The following MED12 variants were observed in gnomAD, a reference collection of about 807,000 sequenced individuals.
MED12 encodes the protein mediator complex subunit 12, also known as mediator of RNA polymerase II transcription subunit 12.
MED12 carries 10 observed loss-of-function variants against 177.7 expected under a neutral mutation model. The ratio of observed to expected loss-of-function variants is 0.06; its 90% confidence interval spans 0.03 to 0.10. The LOEUF (loss-of-function observed/expected upper bound fraction) is 0.10, where lower values mean the gene tolerates loss of function less well. MED12 is among the 10% of genes least tolerant of loss of function. The pLI, the probability that MED12 is intolerant of heterozygous loss-of-function variation, is 1.00. For synonymous variants in MED12, 641 were observed against 678.4 expected, an observed-to-expected ratio of 0.94 and a Z score of 0.86; for missense variants, 867 against 1,780.8, an observed-to-expected ratio of 0.49 and a Z score of 9.23.
At chrX:71,142,039 A>C in intron 44 of MED12, 75 bp downstream of exon 44, 1 of 1,129,274 alleles carries the variant, frequency 8.9e-7, no homozygotes, top group Non-Finnish European at 1.2e-6. Context: ...AGTAGCTGAA[A>C]CGATAGCTTC....
Position 71,122,483 on chromosome X carries a change from G to A in MED12, c.1249-25G>A, listed in dbSNP as rs1239100643. ...CTTTTATATGCCTTGGTACATCCTT[G>A]TAGCCTTCCTTTTTAACATTGCAGG... is the stretch of plus-strand genomic sequence containing the variant. On this transcript the variant is annotated intron_variant, in intron 8 of 44. Coordinates refer to ENST00000374080, the MANE Select transcript of MED12 (RefSeq NM_005120.3). 8 of 1,204,110 alleles carry A rather than the reference G, an allele frequency of 6.6e-6. No homozygotes were observed. The Admixed American group carries it at 1.3e-4, about 20-fold the overall frequency.
intron 5 of MED12, 48 bp downstream of exon 5, chrX:71,121,200 T>C: frequency 8.3e-7 from 1 of 1,204,008 alleles, no homozygotes; most frequent in South Asian, 1.8e-5. Context: ...AGCTTGAACT[T>C]GTACTCTGCC....
chrX:71,125,637 TCCCCCCTCATTC>T lies in MED12; in HGVS notation c.2372-17_2372-6del. ...TGAGAGCTCTAGTCCTTTTGAAACT[TCCCCCCTCATTC>T]CCCCCCTCTACAGACCAGCTTGCTC... is the stretch of plus-strand genomic sequence containing the variant. On this transcript the variant is annotated splice_polypyrimidine_tract_variant and intron_variant, in intron 16 of 44. Coordinates refer to ENST00000374080, the MANE Select transcript of MED12 (RefSeq NM_005120.3). The T allele has an allele frequency of 1.8e-6, 2 of 1,092,076 alleles. No individual in the cohort carries two copies. The highest frequency in any genetic ancestry group is 2.5e-6 in the Non-Finnish European group (2 of 797,541). 90.0% of individuals were successfully genotyped at this position (1,092,076 alleles called of 1,213,427 possible).
chrX:71,131,716 T>C (rs1428611695), intron 29 of MED12, 95 bp downstream of exon 29: 1 of 887,791 alleles, frequency 1.1e-6, no homozygotes, highest in Non-Finnish European at 1.6e-6. Context: ...ATCCTACCCT[T>C]GGGCTCTTGA....
chrX:71,141,185 C>T (rs1311550638), intron 42 of MED12, 45 bp from the exon 43 acceptor site: 3 of 1,165,519 alleles, frequency 2.6e-6, no homozygotes, highest in Admixed American at 5.2e-5. Context: ...TGAGGCTTAG[C>T]TTCCTCCCTC....
intron 33 of MED12, 152 bp downstream of exon 33, chrX:71,133,364 C>T: frequency 2.2e-6 from 1 of 454,018 alleles, no homozygotes; most frequent in Admixed American, 3.7e-5. Context: ...GTCAGAGTCT[C>T]ACTCTGTCAC....
Position 71,124,268 on chromosome X carries a change from C to T in MED12, c.1854C>T (p.Leu618=), listed in dbSNP as rs775882680. The change falls in exon 13 of 45, where the codon CTC becomes CTT. Residue 618 remains leucine (L), a synonymous_variant. Transcript: ENST00000374080. ...CCCACAACATGTATACTTGCACTCT[C>T]ATCTCCCGAGGGGACCTTGCCTTTG... The part of the protein sequence containing the change: ...VFSHNMYTCT[L]ISRGDLAFGA... 8.3e-7 allele frequency: 1 copy of T among 1,210,596 alleles called. No individual in the cohort carries two copies. The highest frequency in any genetic ancestry group is 1.1e-6 in the Non-Finnish European group (1 of 894,386).
Position 71,126,952 on chromosome X carries a change from C to G in MED12, c.2686-17C>G. The G allele has an allele frequency of 2.5e-6, 3 of 1,207,578 alleles. No homozygotes were observed. The highest frequency in any genetic ancestry group is 4.3e-5 in the Admixed American group (2 of 46,035). On this transcript the variant is annotated splice_polypyrimidine_tract_variant and intron_variant, in intron 19 of 44. Transcript: ENST00000374080. ...AAGGGGCCTCTTTGCATTTCTCACC[C>G]CCGTTTACTCTGCTAGCTGCTGAAT...
intron 36 of MED12, among the ~76,000 whole-genome samples, chrX:71,135,852 A>C (rs2092330848): frequency 9.9e-6 from 1 of 101,375 alleles, no homozygotes; most frequent in African/African-American, 3.7e-5. Flanking sequence ...TCTCTCTCTG[A>C]CTCTTTCTCG....
At chrX:71,138,777 G>T (rs2092339187) in intron 41 of MED12, among the ~76,000 whole-genome samples, 1 of 109,556 alleles carries the variant, frequency 9.1e-6, no homozygotes. Flanking sequence ...AGAAAGAAAA[G>T]AAAAAGAAAA....
chrX:71,129,302 A>G lies in MED12; in HGVS notation c.3578-14A>G, dbSNP rs2092310857. The G allele has an allele frequency of 4.2e-6, 5 of 1,188,404 alleles. No homozygotes were observed. The highest frequency in any genetic ancestry group is 5.7e-6 in the Non-Finnish European group (5 of 875,733). Reference sequence around the variant, plus strand: ...TTCTACTTTTGCTTCCCCTGACTTCATCGCCTTCCCCAGACAAGCCTACAG... The same window carrying G: ...TTCTACTTTTGCTTCCCCTGACTTCGTCGCCTTCCCCAGACAAGCCTACAG... On this transcript the variant is annotated splice_polypyrimidine_tract_variant and intron_variant, in intron 25 of 44. Coordinates refer to ENST00000374080, the MANE Select transcript of MED12 (RefSeq NM_005120.3).
At chrX:71,126,618 G>A in intron 19 of MED12, 134 bp downstream of exon 19, 2 of 822,888 alleles carry the variant, frequency 2.4e-6, no homozygotes, top group African/African-American at 4.0e-5. Context: ...ACTAGCATGG[G>A]GGGAGTGGAA....
chrX:71,136,277 G>A lies in MED12; in HGVS notation c.5026-4G>A. 8.3e-7 allele frequency: 1 copy of A among 1,211,512 alleles called. No homozygotes were observed. ...AGCTTATTGTTTTTCATTTTCTGGA[G>A]CAGGGTCTACAGGTTTCCACCAAAC... On this transcript the variant is annotated splice_region_variant and splice_polypyrimidine_tract_variant and intron_variant, in intron 36 of 44. Coordinates refer to ENST00000374080, the MANE Select transcript of MED12 (RefSeq NM_005120.3).
intron 34 of MED12, 92 bp downstream of exon 34, chrX:71,134,558 G>A: frequency 1.1e-6 from 1 of 933,207 alleles, no homozygotes; most frequent in Non-Finnish European, 1.5e-6. Flanking sequence ...TGGTGTGGCT[G>A]TTACTGTGGA....
chrX:71,122,166 G>A (rs763642381), intron 7 of MED12, 34 bp from the exon 8 acceptor site: 13 of 1,208,283 alleles, frequency 1.1e-5, no homozygotes, highest in African/African-American at 1.8e-5. Flanking sequence ...TAACCATGGT[G>A]AATGAGTTGG....
rs1022757170 is a variant in MED12, at chrX:71,125,841, C to A, written c.2422+128C>A. On this transcript the variant is annotated intron_variant, in intron 17 of 44. Coordinates refer to ENST00000374080, the MANE Select transcript of MED12 (RefSeq NM_005120.3). The stretch of plus-strand genomic sequence containing the variant: ...GTCCTCTAAACCTTTGCTTCACTGT[C>A]CCCTTCCCTTCATTCCTCCCCCATC... The A allele has an allele frequency of 7.3e-5, 48 of 653,099 alleles. No homozygotes were observed. In the Admixed American group the frequency reaches 1.1e-3, roughly 15 times the overall value. The allele number at this position is 653,099 out of a possible 1,213,427, so 53.8% of individuals were successfully genotyped here. A position where few individuals can be genotyped will look rare whatever the true frequency, so the allele number is the denominator to read the frequency against.
At position 71,129,325 on chromosome X, in the gene MED12, C is replaced by T. The variant is rs1556336812; in HGVS notation, c.3587C>T (p.Thr1196Ile). ...TCATCGCCTTCCCCAGACAAGCCTACAGTAGGAATCCGCTCCTCCTGCGAC... is the reference window on the plus strand; with the variant it reads ...TCATCGCCTTCCCCAGACAAGCCTATAGTAGGAATCCGCTCCTCCTGCGAC... ...NPCQSDGNKP[T>I]VGIRSSCDRH... Residue 1196 changes from threonine to isoleucine, a missense_variant, in exon 26 of 45, where the codon ACA becomes ATA. Around this residue, in one of 14 missense-constraint regions of MED12, gnomAD observed 21 missense variants for 35.5 expected, o/e 0.59. Transcript: ENST00000374080. 8.3e-7 allele frequency: 1 copy of T among 1,203,556 alleles called. No individual in the cohort carries two copies. The highest frequency in any genetic ancestry group is 1.1e-6 in the Non-Finnish European group (1 of 887,938).
chrX:71,123,056 C>G, intron 10 of MED12, 39 bp from the exon 11 acceptor site: 1 of 1,208,956 alleles, frequency 8.3e-7, no homozygotes, highest in Non-Finnish European at 1.1e-6. Flanking sequence ...TTTGTCCCCA[C>G]CCCTACCTTA....
At chrX:71,132,601 G>A (rs1196918401) in intron 31 of MED12, 63 bp downstream of exon 31, 1 of 1,129,458 alleles carries the variant, frequency 8.9e-7, no homozygotes, top group Non-Finnish European at 1.2e-6. Context: ...CAGGCCCGGG[G>A]AAGAATAAAA....
Sources: gnomAD v4.1 joint callset for allele counts (sites outside exome capture counted in the v4.1 genomes callset) on GRCh38, gnomAD v4.1.1 for gene constraint, gnomAD v4.1.1 regional missense constraint, MANE v1.5 for transcripts, NCBI Gene and HGNC (gene_info 2026-07-23, HGNC 2026-07-21) for gene names.